The following TXLNB variants were observed in gnomAD, a reference collection of about 807,000 sequenced individuals.
TXLNB encodes the protein beta-taxilin.
A neutral mutation model predicts 57.4 loss-of-function variants in TXLNB; 37 were observed. The observed-to-expected ratio is 0.64, with a 90% CI of 0.50 to 0.85. TXLNB has a LOEUF of 0.85. Ranked by LOEUF, TXLNB falls within the 40% of genes least tolerant of loss-of-function variation. TXLNB has a pLI of 0.00. For synonymous variants in TXLNB, 302 were observed against 309.6 expected, an observed-to-expected ratio of 0.98 and a Z score of 0.26; for missense variants, 848 against 825.6, an observed-to-expected ratio of 1.03 and a Z score of -0.33.
the TXLNB span, among the ~76,000 whole-genome samples, chr6:139,213,904 T>C: frequency 6.6e-6 from 1 of 151,970 alleles, no homozygotes; most frequent in East Asian, 1.9e-4. Flanking sequence ...CCTCGACACA[T>C]ACACTCTCCC....
chr6:139,208,770 T>C, the TXLNB span, among the ~76,000 whole-genome samples: 1 of 152,142 alleles, frequency 6.6e-6, no homozygotes. Flanking sequence ...TCAGCAAAAT[T>C]GCCATAGAAG....
At chr6:139,225,932 C>G in the TXLNB span, among the ~76,000 whole-genome samples, 1 of 152,072 alleles carries the variant, frequency 6.6e-6, no homozygotes, top group African/African-American at 2.4e-5. Flanking sequence ...TATTATGAAG[C>G]TACAGTAATT....
chr6:139,276,608 T>G (rs1396897647), intron 3 of TXLNB, among the ~76,000 whole-genome samples: 1 of 152,230 alleles, frequency 6.6e-6, no homozygotes, highest in Non-Finnish European at 1.5e-5. Context: ...TCAAAAGAAT[T>G]TTTTAAGAAG....
At chr6:139,320,214 T>C in the TXLNB span, among the ~76,000 whole-genome samples, 1 of 152,220 alleles carries the variant, frequency 6.6e-6, no homozygotes, top group Non-Finnish European at 1.5e-5. Flanking sequence ...CCTATATGTT[T>C]TCTAAAATTT....
chr6:139,225,363 G>A, the TXLNB span, among the ~76,000 whole-genome samples: 1 of 152,054 alleles, frequency 6.6e-6, no homozygotes, highest in South Asian at 2.1e-4. Context: ...AAGAGATAAT[G>A]AGTGGAAAGG....
chr6:139,275,228 A>G (rs1354845642), intron 3 of TXLNB, among the ~76,000 whole-genome samples: 3 of 152,256 alleles, frequency 2.0e-5, no homozygotes, highest in Admixed American at 1.3e-4. Context: ...AAAGCAAAAC[A>G]GTGAGAGGAA....
intron 2 of TXLNB, among the ~76,000 whole-genome samples, chr6:139,279,779 T>C (rs866724370): frequency 6.6e-6 from 1 of 152,212 alleles, no homozygotes; most frequent in South Asian, 2.1e-4. Context: ...TAATGTGTTC[T>C]TCCAAAGCAA....
Position 139,240,243 on chromosome 6 carries a change from G to A in TXLNB, c.*2283C>T, listed in dbSNP as rs977869954. ...ATGAGTTATTGTTATAATTAGTAAG[G>A]CTAAATTTTAACACAAAGGACTATA... On this transcript the variant is annotated 3_prime_UTR_variant, in exon 10 of 10. Coordinates refer to ENST00000358430, the MANE Select transcript of TXLNB (RefSeq NM_153235.4). 3 of 152,492 alleles carry A rather than the reference G, an allele frequency of 2.0e-5. No homozygotes were observed. The highest frequency in any genetic ancestry group is 2.9e-5 in the Non-Finnish European group (2 of 68,024). The allele number at this position is 152,492 out of a possible 1,614,324, so 9.4% of individuals were successfully genotyped here.
At chr6:139,196,518 G>A in the TXLNB span, among the ~76,000 whole-genome samples, 41 of 151,778 alleles carry the variant, frequency 2.7e-4, no homozygotes, top group African/African-American at 9.7e-4. Context: ...GGGATTACAG[G>A]TGCCCACCAC....
At chr6:139,231,147 C>T in the TXLNB span, among the ~76,000 whole-genome samples, 1 of 152,152 alleles carries the variant, frequency 6.6e-6, no homozygotes, top group Non-Finnish European at 1.5e-5. Flanking sequence ...ACACAAATAA[C>T]CACACACACA....
chr6:139,167,945 A>C, the TXLNB span, among the ~76,000 whole-genome samples: 23 of 152,198 alleles, frequency 1.5e-4, no homozygotes, highest in Non-Finnish European at 3.1e-4. Flanking sequence ...GTTGGTTAGT[A>C]TAAGAAATCT....
the TXLNB span, among the ~76,000 whole-genome samples, chr6:139,184,260 C>G: frequency 6.6e-6 from 1 of 152,184 alleles, no homozygotes; most frequent in African/African-American, 2.4e-5. Context: ...ATATATGTAT[C>G]AGTGGATGGG....
the TXLNB span, among the ~76,000 whole-genome samples, chr6:139,297,185 T>G: frequency 5.2e-4 from 79 of 152,296 alleles, no homozygotes; most frequent in African/African-American, 1.8e-3. Flanking sequence ...TTCTTCTGGC[T>G]TCCCTAACAT....
At chr6:139,244,783 T>C in intron 8 of TXLNB, 93 bp from the exon 9 acceptor site, 2 of 793,036 alleles carry the variant, frequency 2.5e-6, no homozygotes, top group Non-Finnish European at 4.3e-6. Context: ...AGAAGCCCTT[T>C]TGTTACCAGA....
chr6:139,309,072 G>A, the TXLNB span, among the ~76,000 whole-genome samples: 3 of 152,204 alleles, frequency 2.0e-5, no homozygotes, highest in Admixed American at 2.0e-4. Flanking sequence ...CACACTCCCA[G>A]CTGGAACTTT....
At chr6:139,177,848 T>C in the TXLNB span, 6 of 152,240 alleles carry the variant, frequency 3.9e-5, no homozygotes, top group African/African-American at 7.2e-5. This position sits in a 1 kb window ranked among gnomAD's most constrained non-coding sequence, Gnocchi z 4.9. Flanking sequence ...GTTGGTAATA[T>C]AGCTTTTAAG....
At chr6:139,211,850 G>A in the TXLNB span, among the ~76,000 whole-genome samples, 15 of 152,300 alleles carry the variant, frequency 9.8e-5, no homozygotes, top group Admixed American at 7.8e-4. Flanking sequence ...CTCAGTAACC[G>A]ATGCGATCAA....
the TXLNB span, among the ~76,000 whole-genome samples, chr6:139,315,992 T>A: frequency 6.6e-6 from 1 of 152,082 alleles, no homozygotes; most frequent in African/African-American, 2.4e-5. Context: ...AAAACTAAAT[T>A]ATATAATATA....
the TXLNB span, chr6:139,166,286 G>A: frequency 1.3e-6 from 2 of 1,588,024 alleles, no homozygotes; most frequent in Non-Finnish European, 1.7e-6. Flanking sequence ...TCCCCCAGAA[G>A]CCCCATGTGC....
Sources: allele counts gnomAD v4.1 joint callset (sites outside exome capture counted in the v4.1 genomes callset), GRCh38; gene constraint gnomAD v4.1.1; non-coding constraint Gnocchi (gnomAD v3.1); transcripts MANE v1.5; gene names NCBI Gene and HGNC (gene_info 2026-07-23, HGNC 2026-07-21).